RBP2: variants seen among roughly 807,000 people sequenced by gnomAD.
RBP2 encodes the protein retinol binding protein 2.
In RBP2, 17 loss-of-function variants were observed where a neutral mutation model predicts 17.0. The ratio of observed to expected loss-of-function variants is 1.00; its 90% CI spans 0.68 to 1.50. The LOEUF (loss-of-function observed/expected upper bound fraction) is 1.50, where lower values mean the gene tolerates loss of function less well. Ranked by LOEUF, RBP2 falls within the 40% of genes most tolerant of loss-of-function variation. The probability of loss-of-function intolerance (pLI) is 0.00; values close to 1 mark genes in which losing one functional copy is unlikely to be tolerated. For synonymous variants in RBP2, 48 were observed against 57.1 expected, an observed-to-expected ratio of 0.84 and a Z score of 0.72; for missense variants, 158 against 168.2, an observed-to-expected ratio of 0.94 and a Z score of 0.33.
At chr3:139,474,985 CA>C (rs2107886366) in intron 1 of RBP2, among the ~76,000 whole-genome samples, 1 of 151,952 alleles carries the variant, frequency 6.6e-6, no homozygotes, top group East Asian at 1.9e-4. Context: ...TCCTGCTAAC[CA>C]GAATGAAAAG....
At chr3:139,466,279 A>G (rs983063600) in intron 1 of RBP2, among the ~76,000 whole-genome samples, 2 of 152,256 alleles carry the variant, frequency 1.3e-5, no homozygotes, top group South Asian at 2.1e-4. Flanking sequence ...ACAACTTACT[A>G]TGGAAAGGGC....
intron 1 of RBP2, among the ~76,000 whole-genome samples, chr3:139,475,298 G>A (rs561529310): frequency 3.7e-5 from 5 of 134,598 alleles, no homozygotes; most frequent in Admixed American, 8.3e-5. Context: ...CAGCCTGGGC[G>A]ACAGAGCGAG....
At chr3:139,461,961 T>C (rs1933204870) in intron 2 of RBP2, 151 bp downstream of exon 2, 1 of 744,374 alleles carries the variant, frequency 1.3e-6, no homozygotes, top group Non-Finnish European at 2.2e-6. Context: ...CTGTCAATAA[T>C]TGCTCATTGC....
chr3:139,466,684 A>G (rs186687952), intron 1 of RBP2: 1 of 151,050 alleles, frequency 6.6e-6, no homozygotes, highest in East Asian at 1.9e-4. Flanking sequence ...TGTGAGGATC[A>G]AATTTGATGG....
rs538991294 is a variant in RBP2 at position 139,467,511 on chromosome 3, T to C, written c.74-5221A>G. The stretch of plus-strand genomic sequence containing the variant: ...GGGCAGATGCAGGTACAATCCTGTC[T>C]CTTATTTCCTAGCTAGCTGTGTGAC... On this transcript the variant is annotated intron_variant, in intron 1 of 3. Transcript: ENST00000232217. Among the ~76,000 whole-genome samples the C allele has an allele frequency of 2.0e-5, 3 of 152,290 alleles. No homozygotes were observed. In the South Asian group the frequency reaches 6.2e-4, roughly 32 times the overall value.
chr3:139,469,022 T>C (rs1476585623), intron 1 of RBP2, among the ~76,000 whole-genome samples: 17 of 152,194 alleles, frequency 1.1e-4, no homozygotes, highest in African/African-American at 2.4e-5. Context: ...AACATTAAAA[T>C]GCTTTGTAAT....
rs548190783 is a variant in RBP2 at position 139,469,054 on chromosome 3, G to T, written c.74-6764C>A. 2.0e-5 allele frequency among the ~76,000 whole-genome samples: 3 copies of T among 152,268 alleles called. No individual in the cohort carries two copies. In the East Asian group the frequency reaches 5.8e-4, roughly 29 times the overall value. On this transcript the variant is annotated intron_variant, in intron 1 of 3. Transcript: ENST00000232217. ...TAATGTGCTTATGAAAAAAGCTAAA[G>T]TTGCAGGCAAAAAGGGCAGGTGCTC... is the stretch of plus-strand genomic sequence containing the variant.
intron 2 of RBP2, among the ~76,000 whole-genome samples, chr3:139,455,763 G>T (rs1168846865): frequency 6.6e-6 from 1 of 152,140 alleles, no homozygotes; most frequent in East Asian, 1.9e-4. Flanking sequence ...TGGACCTTCT[G>T]GTTCTTGGGT....
intron 2 of RBP2, among the ~76,000 whole-genome samples, chr3:139,455,629 T>G (rs1943381389): frequency 6.6e-6 from 1 of 152,148 alleles, no homozygotes; most frequent in Admixed American, 6.5e-5. Context: ...AATTTCTCCT[T>G]CAGGAATCAC....
intron 1 of RBP2, among the ~76,000 whole-genome samples, chr3:139,474,190 T>C (rs1192539555): frequency 2.6e-5 from 4 of 152,340 alleles, no homozygotes; most frequent in Non-Finnish European, 4.4e-5. Context: ...GGTGAAGATA[T>C]TCAAATATCA....
rs2107862677 is a variant in RBP2, at chr3:139,452,888, G to A, written c.*228C>T. On this transcript the variant is annotated 3_prime_UTR_variant, in exon 4 of 4. Coordinates refer to ENST00000232217, the MANE Select transcript of RBP2 (RefSeq NM_004164.3). ...AGAAATAAACGGAGATCCATATAAA[G>A]GGTTTCAAAATATGGGAGTAATTTT... The A allele has an allele frequency of 3.5e-6, 2 of 567,166 alleles. No homozygotes were observed. The highest frequency in any genetic ancestry group is 4.7e-5 in the South Asian group (2 of 42,524). The allele number at this position is 567,166 out of a possible 1,614,324, so 35.1% of individuals were successfully genotyped here.
intron 1 of RBP2, among the ~76,000 whole-genome samples, chr3:139,470,594 CT>C (rs1157351939): frequency 1.3e-5 from 2 of 151,940 alleles, no homozygotes; most frequent in African/African-American, 4.8e-5. Flanking sequence ...CCTTTCTACT[CT>C]CACTCCCTGA....
At chr3:139,476,330 C>T (rs1933737128) in intron 1 of RBP2, 57 bp downstream of exon 1, 2 of 1,486,708 alleles carry the variant, frequency 1.3e-6, no homozygotes, top group East Asian at 4.5e-5. Flanking sequence ...GTCTGGAGGG[C>T]CAGACCACAG....
chr3:139,459,433 T>TGTGTGTGTG (rs1553721536), intron 2 of RBP2, among the ~76,000 whole-genome samples: 6 of 147,654 alleles, frequency 4.1e-5, no homozygotes, highest in African/African-American at 7.5e-5. Context: ...TGTGTGTGTA[T>TGTGTGTGTG]TCATATTTAC....
intron 2 of RBP2, among the ~76,000 whole-genome samples, chr3:139,456,727 A>C (rs1243348197): frequency 6.6e-6 from 1 of 152,132 alleles, no homozygotes. Flanking sequence ...GTTACTTTTT[A>C]CTTTTTGATT....
chr3:139,475,490 A>G (rs932792027), intron 1 of RBP2, among the ~76,000 whole-genome samples: 2 of 152,232 alleles, frequency 1.3e-5, no homozygotes, highest in Admixed American at 6.5e-5. Context: ...ACCTCCCACC[A>G]TCATATCCAA....
chr3:139,471,418 C>T (rs1237859158), intron 1 of RBP2, among the ~76,000 whole-genome samples: 1 of 152,240 alleles, frequency 6.6e-6, no homozygotes, highest in Non-Finnish European at 1.5e-5. Flanking sequence ...TTCAGCCTCT[C>T]AGGGCTCTGC....
chr3:139,468,256 C>T (rs1933429760), intron 1 of RBP2, among the ~76,000 whole-genome samples: 1 of 152,170 alleles, frequency 6.6e-6, no homozygotes, highest in Non-Finnish European at 1.5e-5. Context: ...GGATAGCACT[C>T]CTGACAATTT....
chr3:139,459,517 G>C (rs1344930933), intron 2 of RBP2, among the ~76,000 whole-genome samples: 1 of 150,146 alleles, frequency 6.7e-6, no homozygotes, highest in African/African-American at 2.5e-5. Flanking sequence ...CAGCTACTTG[G>C]GAGGCTGAGG....
Sources: allele counts gnomAD v4.1 joint callset (sites outside exome capture counted in the v4.1 genomes callset), GRCh38; gene constraint gnomAD v4.1.1; transcripts MANE v1.5; gene names NCBI Gene and HGNC (gene_info 2026-07-23, HGNC 2026-07-21).